XIRP2: variants seen among roughly 807,000 people sequenced by gnomAD.
XIRP2 encodes xin actin-binding repeat-containing protein 2.
XIRP2 carries 236 observed loss-of-function variants against 277.0 expected under a neutral mutation model. The observed-to-expected ratio is 0.85, with a 90% CI of 0.77 to 0.95. XIRP2 has a LOEUF of 0.95. Among genes scored for constraint, XIRP2 ranks in the 40% least tolerant of loss-of-function variants. XIRP2 has a pLI of 0.00. For missense variants in XIRP2, 4,640 were observed against 4,157.5 expected, an observed-to-expected ratio of 1.12 and a Z score of -3.19; for synonymous variants, 1,490 against 1,416.5, an observed-to-expected ratio of 1.05 and a Z score of -1.17.
intron 3 of XIRP2, among the ~76,000 whole-genome samples, chr2:167,181,156 A>G (rs936603687): frequency 2.6e-5 from 4 of 152,230 alleles, no homozygotes; most frequent in South Asian, 2.1e-4. Context: ...GCATAGGTAT[A>G]TAATGATGGG....
intron 2 of XIRP2, among the ~76,000 whole-genome samples, chr2:167,035,779 T>C (rs1688492420): frequency 1.3e-5 from 2 of 152,174 alleles, no homozygotes; most frequent in African/African-American, 4.8e-5. Flanking sequence ...TCTGGGAACT[T>C]CATGGTGGCC....
At chr2:166,914,445 AT>A (rs1272491446) in intron 2 of XIRP2, among the ~76,000 whole-genome samples, 4 of 152,252 alleles carry the variant, frequency 2.6e-5, no homozygotes, top group African/African-American at 9.6e-5. Context: ...GGTTTACGCC[AT>A]TCTCCTGTCT....
intron 2 of XIRP2, among the ~76,000 whole-genome samples, chr2:167,111,976 G>GT (rs1263852138): frequency 6.6e-6 from 1 of 152,028 alleles, no homozygotes; most frequent in Non-Finnish European, 1.5e-5. Context: ...GTCTTTGATG[G>GT]TTTTTTGTAC....
chr2:167,047,298 A>C (rs984394710), intron 2 of XIRP2, among the ~76,000 whole-genome samples: 1 of 152,072 alleles, frequency 6.6e-6, no homozygotes, highest in Middle Eastern at 3.4e-3. Context: ...ATAACAAAAT[A>C]TGTGATTAAA....
At chr2:167,153,452 C>T (rs1021141457) in intron 3 of XIRP2, among the ~76,000 whole-genome samples, 1 of 151,698 alleles carries the variant, frequency 6.6e-6, no homozygotes, top group Non-Finnish European at 1.5e-5. Flanking sequence ...TACATGTGCA[C>T]AATGTGCAGG....
rs961062015 is a variant in XIRP2 at position 167,217,005 on chromosome 2, C to T, written c.724-1161C>T. Among the ~76,000 whole-genome samples, 9 of 143,274 alleles carry T rather than the reference C, an allele frequency of 6.3e-5. 1 individual carries two copies. The highest frequency in any genetic ancestry group is 1.0e-4 in the Non-Finnish European group (7 of 67,036). 94.0% of individuals were successfully genotyped at this position (143,274 alleles called of 152,430 possible). A position where few individuals can be genotyped will look rare whatever the true frequency, so the allele number is the denominator to read the frequency against. Reference sequence around the variant, plus strand: ...GTAGGGACATGGATGAAATTGGAAACCATCATTCTCAGTAAACTATCACAA... The same window carrying T: ...GTAGGGACATGGATGAAATTGGAAATCATCATTCTCAGTAAACTATCACAA... On this transcript the variant is annotated intron_variant, in intron 4 of 10. Transcript: ENST00000409195.
chr2:167,033,830 C>G (rs964221930), intron 2 of XIRP2, among the ~76,000 whole-genome samples: 1 of 151,968 alleles, frequency 6.6e-6, no homozygotes, highest in African/African-American at 2.4e-5. Context: ...CAAACAAAAG[C>G]TGAGGTATTT....
intron 2 of XIRP2, among the ~76,000 whole-genome samples, chr2:167,088,620 C>T (rs1205156685): frequency 2.0e-5 from 3 of 152,164 alleles, no homozygotes; most frequent in South Asian, 2.1e-4. Context: ...ATTCTACAAT[C>T]ACAGGGCCAA....
intron 2 of XIRP2, among the ~76,000 whole-genome samples, chr2:167,047,297 T>C (rs935328147): frequency 1.9e-4 from 29 of 151,774 alleles, no homozygotes; most frequent in Non-Finnish European, 3.8e-4. Context: ...AATAACAAAA[T>C]ATGTGATTAA....
rs779275190 is a variant in XIRP2, at chr2:167,251,647, T to G, written c.10255T>G (p.Phe3419Val). Reference sequence around the variant, plus strand: ...TGAAACCAGGTCTCTAAGTGAACATTTCTCAGGCATGGATGCATTTGAGAG... The same window carrying G: ...TGAAACCAGGTCTCTAAGTGAACATGTCTCAGGCATGGATGCATTTGAGAG... Reference protein sequence around the residue: ...CSETRSLSEHFSGMDAFESQI... With the variant: ...CSETRSLSEHVSGMDAFESQI... The change falls in exon 9 of 11, where the codon TTC becomes GTC. Residue 3419 changes from phenylalanine to valine, a missense_variant. Coordinates refer to ENST00000409195, the MANE Select transcript of XIRP2 (RefSeq NM_152381.6). The G allele has an allele frequency of 3.1e-6, 5 of 1,613,352 alleles. No individual in the cohort carries two copies. In the East Asian group the frequency reaches 1.1e-4, roughly 36 times the overall value.
chr2:167,090,994 A>C (rs1690129309), intron 2 of XIRP2, among the ~76,000 whole-genome samples: 1 of 152,136 alleles, frequency 6.6e-6, no homozygotes, highest in Admixed American at 6.5e-5. Context: ...ATAAAGAATG[A>C]TATCTTCAAT....
chr2:167,163,932 C>T (rs1231487549), intron 3 of XIRP2, among the ~76,000 whole-genome samples: 3 of 152,162 alleles, frequency 2.0e-5, no homozygotes, highest in Non-Finnish European at 4.4e-5. Flanking sequence ...TGCTTTGGTG[C>T]TGTTGTCAAA....
intron 3 of XIRP2, among the ~76,000 whole-genome samples, chr2:167,195,788 G>T (rs1329398911): frequency 6.6e-6 from 1 of 152,192 alleles, no homozygotes; most frequent in African/African-American, 2.4e-5. Context: ...TGCAATGGAT[G>T]AGGGTATGCA....
rs372374339 is a variant in XIRP2 at position 167,176,183 on chromosome 2, C to A, written c.563-34552C>A. Among the ~76,000 whole-genome samples, 283 of 152,300 alleles carry A rather than the reference C, an allele frequency of 1.9e-3. 1 individual carries two copies. The highest frequency in any genetic ancestry group is 6.4e-3 in the African/African-American group (264 of 41,568). Reference sequence around the variant, plus strand: ...CTGGAGTATGAAAATAAAACTCCTGCAGCTAGCTCAGTGTCTGCCCAAACA... The same window carrying A: ...CTGGAGTATGAAAATAAAACTCCTGAAGCTAGCTCAGTGTCTGCCCAAACA... On this transcript the variant is annotated intron_variant, in intron 3 of 10. Coordinates refer to ENST00000409195, the MANE Select transcript of XIRP2 (RefSeq NM_152381.6).
At chr2:167,164,412 G>C (rs963710989) in intron 3 of XIRP2, among the ~76,000 whole-genome samples, 90 of 133,006 alleles carry the variant, frequency 6.8e-4, no homozygotes, top group African/African-American at 2.5e-3. Context: ...CGCCACTGCA[G>C]TCCAGCCTGG....
intron 1 of XIRP2, among the ~76,000 whole-genome samples, chr2:166,899,868 T>C (rs1684335720): frequency 6.6e-6 from 1 of 152,098 alleles, no homozygotes; most frequent in South Asian, 2.1e-4. Context: ...GCACAGTGCA[T>C]TACCGTCCTA....
Position 167,258,270 on chromosome 2 carries a change from T to A in XIRP2, c.*453T>A. 2 of 1,613,304 alleles carry A rather than the reference T, an allele frequency of 1.2e-6. No homozygotes were observed. Among genetic ancestry groups the A allele is most frequent in the Non-Finnish European group, 1.7e-6 (2 of 1,179,626 alleles). ...ATGACAACCCTGCTATCCCCTGAAT[T>A]TAAAAGTGAATCTCTGCTAGAAGAT... On this transcript the variant is annotated 3_prime_UTR_variant, in exon 11 of 11. Transcript: ENST00000409195.
chr2:166,946,025 C>A (rs1263024222), intron 2 of XIRP2, among the ~76,000 whole-genome samples: 2 of 152,094 alleles, frequency 1.3e-5, no homozygotes, highest in East Asian at 3.9e-4. Context: ...CACATCATTG[C>A]AAAACAAATG....
intron 2 of XIRP2, among the ~76,000 whole-genome samples, chr2:167,079,374 G>A (rs546723029): frequency 5.3e-5 from 8 of 152,194 alleles, no homozygotes; most frequent in African/African-American, 9.6e-5. Context: ...GAATCCCCCC[G>A]CTCAATTTTT....
Sources: allele counts gnomAD v4.1 joint callset (sites outside exome capture counted in the v4.1 genomes callset), GRCh38; gene constraint gnomAD v4.1.1; transcripts MANE v1.5; gene names NCBI Gene and HGNC (gene_info 2026-07-23, HGNC 2026-07-21).